The following RAD51B variants were observed in gnomAD, a reference collection of about 807,000 sequenced individuals.
RAD51B encodes the protein DNA repair protein RAD51 homolog 2.
In RAD51B, 38 loss-of-function variants were observed where a neutral mutation model predicts 42.2. The observed-to-expected ratio is 0.90, with a 90% CI of 0.70 to 1.18. The LOEUF is 1.18. Among genes scored for constraint, RAD51B ranks in the 50% most tolerant of loss-of-function variants. The pLI is 0.00. For synonymous variants in RAD51B, 154 were observed against 145.2 expected (o/e 1.06, Z -0.43); for missense variants, 373 against 400.7 (o/e 0.93, Z 0.59).
intron 10 of RAD51B, among the ~76,000 whole-genome samples, chr14:68,593,667 T>C (rs1890857592): frequency 6.6e-6 from 1 of 152,126 alleles, no homozygotes; most frequent in Non-Finnish European, 1.5e-5. Context: ...GGGGAATGTA[T>C]CAGGGCTGGC....
intron 10 of RAD51B, among the ~76,000 whole-genome samples, chr14:68,510,734 T>C (rs1158227646): frequency 6.6e-6 from 1 of 152,092 alleles, no homozygotes; most frequent in Non-Finnish European, 1.5e-5. Flanking sequence ...TTGCCATGGG[T>C]TTTATTGGGC....
chr14:68,076,096 T>C (rs1595364326), intron 7 of RAD51B, among the ~76,000 whole-genome samples: 1 of 152,346 alleles, frequency 6.6e-6, no homozygotes, highest in Admixed American at 6.5e-5. Context: ...CATGACACAC[T>C]GGATGGACCT....
intron 10 of RAD51B, among the ~76,000 whole-genome samples, chr14:68,636,080 T>G (rs879650038): frequency 6.6e-6 from 1 of 152,202 alleles, no homozygotes; most frequent in Non-Finnish European, 1.5e-5. Flanking sequence ...TTCCATGGAC[T>G]GTTTAAAAGT....
intron 10 of RAD51B, among the ~76,000 whole-genome samples, chr14:68,504,382 T>A (rs1020322314): frequency 1.3e-5 from 2 of 152,364 alleles, no homozygotes; most frequent in Non-Finnish European, 2.9e-5. Flanking sequence ...ATGCACATTC[T>A]TTAATTTAGG....
At chr14:68,457,608 CT>C (rs1241756321) in intron 9 of RAD51B, among the ~76,000 whole-genome samples, 1 of 150,440 alleles carries the variant, frequency 6.6e-6, no homozygotes. Flanking sequence ...CTAATACTTT[CT>C]TTTTTTTTGA....
At chr14:68,396,045 G>C (rs185723523) in intron 8 of RAD51B, among the ~76,000 whole-genome samples, 19 of 152,206 alleles carry the variant, frequency 1.2e-4, no homozygotes, top group African/African-American at 4.3e-4. Flanking sequence ...AAACAAGGAC[G>C]GACTCCTGGC....
chr14:68,241,934 C>G (rs1305082599), intron 7 of RAD51B, among the ~76,000 whole-genome samples: 1 of 152,218 alleles, frequency 6.6e-6, no homozygotes, highest in East Asian at 1.9e-4. Context: ...TTAAATGATT[C>G]TGGCAGTGTC....
At chr14:68,642,820 C>T (rs1480812210) in intron 10 of RAD51B, among the ~76,000 whole-genome samples, 2 of 152,118 alleles carry the variant, frequency 1.3e-5, no homozygotes, top group African/African-American at 4.8e-5. Context: ...CACTTAAATC[C>T]AAGTATTTTT....
At chr14:68,478,812 T>C (rs561848826), downstream of RAD51B, among the ~76,000 whole-genome samples, 5 of 152,258 alleles carry the variant, frequency 3.3e-5, no homozygotes, top group East Asian at 1.9e-4. Context: ...TTGATGAAGA[T>C]TGATGAAGAA....
chr14:68,295,763 G>A lies in RAD51B; in HGVS notation c.853+3783G>A, dbSNP rs943344718. Among the ~76,000 whole-genome samples the A allele has an allele frequency of 1.8e-4, 28 of 152,120 alleles. 1 individual carries two copies. The highest frequency in any genetic ancestry group is 6.6e-5 in the Admixed American group (1 of 15,266). On this transcript the variant is annotated intron_variant, in intron 8 of 10. Coordinates refer to ENST00000471583, the MANE Select transcript of RAD51B (RefSeq NM_133510.4). ...TTAGGTCAACTCAGATCATTTTATC[G>A]CTGGCTGCTCTTGGCTGCTTGTTCT...
At chr14:68,606,323 C>T (rs1488381507) in intron 10 of RAD51B, among the ~76,000 whole-genome samples, 8 of 152,234 alleles carry the variant, frequency 5.3e-5, no homozygotes, top group Admixed American at 3.3e-4. Context: ...ACTTCCCAAA[C>T]TCTCCCACCA....
chr14:67,822,070 T>C (rs2140270958), intron 1 of RAD51B: 1 of 152,252 alleles, frequency 6.6e-6, no homozygotes, highest in Non-Finnish European at 1.5e-5. Context: ...ATTTGGGCCA[T>C]GGTATTGGAA....
At chr14:68,438,762 G>T (rs2085208425) in intron 9 of RAD51B, among the ~76,000 whole-genome samples, 1 of 152,158 alleles carries the variant, frequency 6.6e-6, no homozygotes, top group African/African-American at 2.4e-5. Flanking sequence ...AGAAAGGGAA[G>T]ATGCAAACTA....
At chr14:68,159,137 A>T (rs2078580793) in intron 7 of RAD51B, among the ~76,000 whole-genome samples, 1 of 151,936 alleles carries the variant, frequency 6.6e-6, no homozygotes, top group Non-Finnish European at 1.5e-5. Context: ...GGGGAAATTG[A>T]TGGGGGTGTA....
At chr14:68,046,897 TA>T (rs1229914987) in intron 7 of RAD51B, among the ~76,000 whole-genome samples, 1 of 152,088 alleles carries the variant, frequency 6.6e-6, no homozygotes, top group Non-Finnish European at 1.5e-5. Context: ...AAGTCTACTT[TA>T]AAAATATATT....
At chr14:68,617,550 C>T (rs898338085) in intron 10 of RAD51B, among the ~76,000 whole-genome samples, 8 of 152,122 alleles carry the variant, frequency 5.3e-5, no homozygotes, top group African/African-American at 1.7e-4. Context: ...TTTACATGGT[C>T]CCCTCTTTTC....
At chr14:68,573,949 T>G (rs56178983) in intron 10 of RAD51B, among the ~76,000 whole-genome samples, 7 of 148,374 alleles carry the variant, frequency 4.7e-5, no homozygotes, top group South Asian at 4.4e-4. Flanking sequence ...GCTGTGTGTG[T>G]GGGGGTGTGG....
At chr14:68,497,739 T>A (rs1594914555) in intron 10 of RAD51B, 1 of 231,024 alleles carries the variant, frequency 4.3e-6, no homozygotes, top group Non-Finnish European at 8.5e-6. Context: ...TTGCTATGGC[T>A]TTACCTATTC....
intron 7 of RAD51B, among the ~76,000 whole-genome samples, chr14:67,909,621 C>T (rs903322592): frequency 6.6e-6 from 1 of 152,016 alleles, no homozygotes; most frequent in African/African-American, 2.4e-5. Flanking sequence ...GCTGTGTAGT[C>T]ACTAAAAATA....
Sources: allele counts gnomAD v4.1 joint callset (sites outside exome capture counted in the v4.1 genomes callset), GRCh38; gene constraint gnomAD v4.1.1; transcripts MANE v1.5; gene names NCBI Gene and HGNC (gene_info 2026-07-23, HGNC 2026-07-21).